CALN1: variants seen among roughly 807,000 people sequenced by gnomAD.
The protein encoded by CALN1 is calcium-binding protein 8.
A neutral mutation model predicts 30.6 loss-of-function variants in CALN1; 17 were observed. The ratio of observed to expected loss-of-function variants is 0.56; its 90% CI spans 0.38 to 0.83. The LOEUF (loss-of-function observed/expected upper bound fraction) is 0.83, where lower values mean the gene tolerates loss of function less well. Among genes scored for constraint, CALN1 ranks in the 40% least tolerant of loss-of-function variants. The probability of loss-of-function intolerance (pLI) is 0.00; values close to 1 mark genes in which losing one functional copy is unlikely to be tolerated. For synonymous variants in CALN1, 156 were observed against 131.4 expected (o/e 1.19, Z -1.28); for missense variants, 291 against 354.9 (o/e 0.82, Z 1.45).
chr7:71,887,106 G>A (rs1275493268), intron 5 of CALN1, among the ~76,000 whole-genome samples: 3 of 152,092 alleles, frequency 2.0e-5, no homozygotes, highest in Non-Finnish European at 2.9e-5. Context: ...AGGATGGCAC[G>A]GTTGGGGAGC....
intron 3 of CALN1, among the ~76,000 whole-genome samples, chr7:72,172,092 G>C (rs376811060): frequency 2.0e-5 from 3 of 152,158 alleles, no homozygotes; most frequent in East Asian, 1.9e-4. Flanking sequence ...CAACAAAAGA[G>C]TAATCCACCA....
At chr7:72,390,030 TATG>T (rs959840562) in intron 2 of CALN1, among the ~76,000 whole-genome samples, 10 of 151,964 alleles carry the variant, frequency 6.6e-5, no homozygotes, top group Admixed American at 5.9e-4. Context: ...GCTGGGGTAG[TATG>T]ATGAGTTCTA....
Position 72,115,101 on chromosome 7 carries a change from T to C in CALN1, c.245-8807A>G, listed in dbSNP as rs1380538309. Among the ~76,000 whole-genome samples, 4 of 147,770 alleles carry C rather than the reference T, an allele frequency of 2.7e-5. No individual in the cohort carries two copies. The South Asian group carries it at 6.3e-4, about 23-fold the overall frequency. ...TTATATATGGACATTATACTATATA[T>C]ATAGTATAATATATATAGTATAATA... On this transcript the variant is annotated intron_variant, in intron 3 of 6. Transcript: ENST00000395275.
chr7:72,128,946 A>C (rs1481286001), intron 3 of CALN1, among the ~76,000 whole-genome samples: 1 of 152,202 alleles, frequency 6.6e-6, no homozygotes, highest in African/African-American at 2.4e-5. Context: ...GAAACAAAGT[A>C]AACATGTTTG....
At chr7:71,900,203 T>C (rs910572213) in intron 5 of CALN1, among the ~76,000 whole-genome samples, 4 of 152,102 alleles carry the variant, frequency 2.6e-5, no homozygotes, top group South Asian at 2.1e-4. Context: ...GTTAAGGTCA[T>C]AGAAAAAGAA....
intron 5 of CALN1, among the ~76,000 whole-genome samples, chr7:71,951,292 G>A (rs1796677537): frequency 6.6e-6 from 1 of 152,102 alleles, no homozygotes; most frequent in Non-Finnish European, 1.5e-5. Context: ...TTTACTTACA[G>A]TAAAGAATAG....
At chr7:72,241,332 T>G (rs1176466069) in intron 3 of CALN1, among the ~76,000 whole-genome samples, 1 of 152,158 alleles carries the variant, frequency 6.6e-6, no homozygotes, top group Non-Finnish European at 1.5e-5. Flanking sequence ...GTGTCTTTAT[T>G]TTGTTCTGTT....
chr7:72,335,078 G>A (rs1225580605), intron 2 of CALN1, among the ~76,000 whole-genome samples: 7 of 152,160 alleles, frequency 4.6e-5, no homozygotes, highest in Non-Finnish European at 1.0e-4. Flanking sequence ...CCACAAGGCC[G>A]AGAGGTCTGA....
intron 3 of CALN1, among the ~76,000 whole-genome samples, chr7:72,244,022 T>C (rs1264043457): frequency 6.6e-6 from 1 of 152,210 alleles, no homozygotes; most frequent in Non-Finnish European, 1.5e-5. Flanking sequence ...TCTCCCATCC[T>C]GCTGAATGGA....
chr7:71,897,966 A>AAG, intron 5 of CALN1, among the ~76,000 whole-genome samples: 1 of 97,760 alleles, frequency 1.0e-5, no homozygotes. Context: ...GGAAAAAAAC[A>AAG]AAAAACAAAA....
chr7:72,341,810 C>T (rs1802398589), intron 2 of CALN1, among the ~76,000 whole-genome samples: 1 of 152,166 alleles, frequency 6.6e-6, no homozygotes, highest in Non-Finnish European at 1.5e-5. Flanking sequence ...ACTCAGTTAA[C>T]CTGGCTCCAG....
At chr7:72,064,610 C>G (rs1385552543) in intron 4 of CALN1, among the ~76,000 whole-genome samples, 1 of 152,154 alleles carries the variant, frequency 6.6e-6, no homozygotes, top group Non-Finnish European at 1.5e-5. Flanking sequence ...TTAACATAGA[C>G]AGGGATGGTT....
At chr7:71,973,336 G>T (rs1003421558) in intron 5 of CALN1, among the ~76,000 whole-genome samples, 1 of 151,952 alleles carries the variant, frequency 6.6e-6, no homozygotes, top group East Asian at 1.9e-4. Flanking sequence ...CCATCACGCC[G>T]AGCTAATTTT....
At chr7:71,801,105 C>T (rs1407934556) in intron 6 of CALN1, among the ~76,000 whole-genome samples, 2 of 152,174 alleles carry the variant, frequency 1.3e-5, no homozygotes, top group East Asian at 1.9e-4. Flanking sequence ...AGGATAATGG[C>T]TTCCAGCTTC....
In CALN1 at chr7:71,829,252, G is replaced by A. The variant is rs191961311; in HGVS notation, c.502-18760C>T. Among the ~76,000 whole-genome samples the A allele has an allele frequency of 1.6e-3, 241 of 152,232 alleles. 1 individual carries two copies. Among genetic ancestry groups the A allele is most frequent in the Non-Finnish European group, 2.8e-3 (189 of 68,022 alleles). ...TAATCATGTAAGACTGGGGGAGAGA[G>A]AGATTTCACTAAAGAGGAAAAGGCC... On this transcript the variant is annotated intron_variant, in intron 5 of 6. Transcript: ENST00000395275.
intron 3 of CALN1, among the ~76,000 whole-genome samples, chr7:72,207,467 T>TTAGTAG (rs57532477): frequency 4.1e-3 from 619 of 151,768 alleles, no homozygotes; most frequent in African/African-American, 0.013. Context: ...GTTTGTTTAT[T>TTAGTAG]TAGTAGTAGT....
At chr7:71,892,866 T>C (rs1793323283) in intron 5 of CALN1, among the ~76,000 whole-genome samples, 1 of 152,132 alleles carries the variant, frequency 6.6e-6, no homozygotes, top group Non-Finnish European at 1.5e-5. Context: ...CTCTACCTAA[T>C]AAATGACGTG....
chr7:72,247,227 CT>C (rs764276435), intron 3 of CALN1, among the ~76,000 whole-genome samples: 105 of 77,636 alleles, frequency 1.4e-3, no homozygotes, highest in Non-Finnish European at 1.8e-3. Context: ...CATTTTCTTT[CT>C]TTTTTTTTTT....
intron 2 of CALN1, among the ~76,000 whole-genome samples, chr7:72,286,216 G>GCAAT (rs1319620588): frequency 6.6e-6 from 1 of 151,806 alleles, no homozygotes; most frequent in African/African-American, 2.4e-5. Context: ...ATAACAGCAG[G>GCAAT]CAATCACCCT....
Sources: allele counts gnomAD v4.1 joint callset (sites outside exome capture counted in the v4.1 genomes callset), GRCh38; gene constraint gnomAD v4.1.1; transcripts MANE v1.5; gene names NCBI Gene and HGNC (gene_info 2026-07-23, HGNC 2026-07-21).